FRMD3: variants seen among roughly 807,000 people sequenced by gnomAD.
The protein encoded by FRMD3 is FERM domain containing 3.
A neutral mutation model predicts 70.2 loss-of-function variants in FRMD3; 33 were observed. The ratio of observed to expected loss-of-function variants is 0.47; its 90% CI spans 0.36 to 0.63. The LOEUF is 0.63. FRMD3 is among the 20% of genes least tolerant of loss of function. The pLI is 0.00. For synonymous variants in FRMD3, 279 were observed against 255.9 expected (o/e 1.09, Z -0.86); for missense variants, 632 against 711.4 (o/e 0.89, Z 1.27).
chr9:83,283,457 G>A (rs1403623710), intron 13 of FRMD3, among the ~76,000 whole-genome samples: 2 of 151,480 alleles, frequency 1.3e-5, no homozygotes, highest in Non-Finnish European at 2.9e-5. Flanking sequence ...CGTGAACCCA[G>A]GAGGTGGAGC....
At chr9:83,540,242 A>C (rs1223566476), upstream of FRMD3, among the ~76,000 whole-genome samples, 1 of 152,208 alleles carries the variant, frequency 6.6e-6, no homozygotes, top group Non-Finnish European at 1.5e-5. Context: ...CCCAGAGATC[A>C]AAGAAAAGTC....
the FRMD3 span, among the ~76,000 whole-genome samples, chr9:83,581,801 G>C: frequency 6.6e-6 from 1 of 152,172 alleles, no homozygotes; most frequent in African/African-American, 2.4e-5. Flanking sequence ...GAAGTGTGTA[G>C]TTATGCTAAG....
At chr9:83,555,980 T>G in the FRMD3 span, among the ~76,000 whole-genome samples, 1 of 152,170 alleles carries the variant, frequency 6.6e-6, no homozygotes, top group Non-Finnish European at 1.5e-5. Context: ...TGAGCTGTTG[T>G]CTTGTCTTGC....
intron 2 of FRMD3, among the ~76,000 whole-genome samples, chr9:83,375,210 C>T (rs183911148): frequency 2.0e-5 from 3 of 152,298 alleles, no homozygotes; most frequent in East Asian, 1.9e-4. Context: ...TATAGATTGG[C>T]GATGTCTGCC....
chr9:83,253,341 A>G (rs1357648036), intron 13 of FRMD3, among the ~76,000 whole-genome samples: 1 of 152,234 alleles, frequency 6.6e-6, no homozygotes, highest in East Asian at 1.9e-4. Flanking sequence ...GAGACAATGT[A>G]CCAGAATCTC....
intron 1 of FRMD3, among the ~76,000 whole-genome samples, chr9:83,441,533 G>A (rs1348931525): frequency 2.0e-5 from 3 of 152,132 alleles, no homozygotes; most frequent in Admixed American, 6.5e-5. Context: ...AAGGGCACTG[G>A]ACCCCAGCCA....
Position 83,246,024 on chromosome 9 carries a change from A to AAATATATTTGC in FRMD3, c.*1893_*1894insGCAAATATATT. ...AGGAAACCCCTCAAACTTAATGGCA[A>AAATATATTTGC]ATATATAGTCATTTGCTCGACTGCA... On this transcript the variant is annotated 3_prime_UTR_variant, in exon 14 of 14. Transcript: ENST00000304195. 1.0e-6 allele frequency: 1 copy of AAATATATTTGC among 985,388 alleles called. No homozygotes were observed. The highest frequency in any genetic ancestry group is 1.2e-6 in the Non-Finnish European group (1 of 829,914). The allele number at this position is 985,388 out of a possible 1,614,324, so 61.0% of individuals were successfully genotyped here. A position where few individuals can be genotyped will look rare whatever the true frequency, so the allele number is the denominator to read the frequency against.
At chr9:83,454,848 T>C (rs1273672800) in intron 1 of FRMD3, among the ~76,000 whole-genome samples, 1 of 152,188 alleles carries the variant, frequency 6.6e-6, no homozygotes, top group East Asian at 1.9e-4. Flanking sequence ...TAGGTACTAG[T>C]GTAATGTGAC....
chr9:83,551,902 A>G, the FRMD3 span, among the ~76,000 whole-genome samples: 7 of 139,268 alleles, frequency 5.0e-5, no homozygotes, highest in African/African-American at 7.8e-5. Flanking sequence ...TATTTCATTG[A>G]TTTTTTTCAA....
chr9:83,463,012 C>G (rs985039914), intron 1 of FRMD3, among the ~76,000 whole-genome samples: 2 of 152,144 alleles, frequency 1.3e-5, no homozygotes, highest in Non-Finnish European at 2.9e-5. Context: ...TGGCAAGCCA[C>G]AGAAATACCC....
intron 13 of FRMD3, among the ~76,000 whole-genome samples, chr9:83,248,765 G>A (rs1285564049): frequency 6.6e-6 from 1 of 152,190 alleles, no homozygotes; most frequent in Non-Finnish European, 1.5e-5. Context: ...ACATTTAGGT[G>A]TGCAATTTTG....
At chr9:83,305,240 T>C (rs1835082433) in intron 10 of FRMD3, among the ~76,000 whole-genome samples, 1 of 152,186 alleles carries the variant, frequency 6.6e-6, no homozygotes, top group Admixed American at 6.5e-5. Flanking sequence ...CCCCTGAGGT[T>C]ACCATAATCA....
chr9:83,451,482 C>A (rs1466952154), intron 1 of FRMD3, among the ~76,000 whole-genome samples: 1 of 151,992 alleles, frequency 6.6e-6, no homozygotes, highest in Admixed American at 6.6e-5. Flanking sequence ...TGATTACCTA[C>A]CCAGGCGATT....
intron 12 of FRMD3, among the ~76,000 whole-genome samples, chr9:83,291,504 A>G (rs1461163872): frequency 2.0e-5 from 3 of 152,148 alleles, no homozygotes; most frequent in African/African-American, 7.2e-5. Flanking sequence ...GCATACTTTA[A>G]AAAGGAGTCA....
At chr9:83,448,821 C>A (rs1416594262) in intron 1 of FRMD3, among the ~76,000 whole-genome samples, 2 of 152,214 alleles carry the variant, frequency 1.3e-5, no homozygotes, top group Non-Finnish European at 2.9e-5. Context: ...CAGTGACCAA[C>A]AGTTACCTCT....
intron 5 of FRMD3, among the ~76,000 whole-genome samples, chr9:83,341,088 T>C (rs149270613): frequency 6.6e-6 from 1 of 152,334 alleles, no homozygotes; most frequent in African/African-American, 2.4e-5. Flanking sequence ...TCTGTAAGAA[T>C]AAGCAGTTCT....
chr9:83,389,488 G>T (rs1825604385), intron 2 of FRMD3, 116 bp downstream of exon 2: 1 of 703,280 alleles, frequency 1.4e-6, no homozygotes, highest in Non-Finnish European at 2.6e-6. Flanking sequence ...AGGGTTTCAT[G>T]TGCCCAATAA....
At chr9:83,456,884 G>A (rs371823622) in intron 1 of FRMD3, among the ~76,000 whole-genome samples, 1 of 152,138 alleles carries the variant, frequency 6.6e-6, no homozygotes, top group South Asian at 2.1e-4. Flanking sequence ...AGAGGCTGAG[G>A]TGGGAGGATT....
At chr9:83,574,148 A>G in the FRMD3 span, among the ~76,000 whole-genome samples, 1 of 152,186 alleles carries the variant, frequency 6.6e-6, no homozygotes, top group African/African-American at 2.4e-5. Context: ...ACTGCACCCA[A>G]AGGAGATTTC....
Sources: gnomAD v4.1 joint callset for allele counts (sites outside exome capture counted in the v4.1 genomes callset) on GRCh38, gnomAD v4.1.1 for gene constraint, MANE v1.5 for transcripts, NCBI Gene and HGNC (gene_info 2026-07-23, HGNC 2026-07-21) for gene names.